Variants in ATIC observed in about 807,000 individuals in gnomAD.
The protein encoded by ATIC is 5-aminoimidazole-4-carboxamide ribonucleotide formyltransferase/IMP cyclohydrolase.
Under a neutral mutation model 72.5 loss-of-function variants are expected in ATIC, and 64 were observed. The observed-to-expected ratio is 0.88, with a 90% confidence interval of 0.72 to 1.09. The LOEUF (loss-of-function observed/expected upper bound fraction) is 1.09. ATIC is among the 50% of genes least tolerant of loss of function. The pLI is 0.00. For missense variants in ATIC, 787 were observed against 732.4 expected (o/e 1.07, Z -0.86); for synonymous variants, 281 against 267.1 (o/e 1.05, Z -0.51).
At chr2:215,351,616 TG>T (rs746528185), downstream of ATIC, among the ~76,000 whole-genome samples, 1 of 152,124 alleles carries the variant, frequency 6.6e-6, no homozygotes, top group Non-Finnish European at 1.5e-5. Context: ...TAGCTGGGCA[TG>T]GTGGCTCCTG....
the ATIC span, among the ~76,000 whole-genome samples, chr2:215,356,545 A>G: frequency 1.3e-5 from 2 of 152,326 alleles, no homozygotes; most frequent in East Asian, 3.9e-4. Flanking sequence ...TGCAACAATC[A>G]CCATTATCTA....
chr2:215,319,297 T>TGGAGAGCTGAGACA (rs1327659337), intron 3 of ATIC, among the ~76,000 whole-genome samples: 1 of 152,104 alleles, frequency 6.6e-6, no homozygotes, highest in East Asian at 1.9e-4. Context: ...TCCCAGCACT[T>TGGAGAGCTGAGACA]GGAGAGCTGA....
chr2:215,321,975 C>T (rs2052772180), intron 4 of ATIC, among the ~76,000 whole-genome samples: 1 of 152,266 alleles, frequency 6.6e-6, no homozygotes, highest in South Asian at 2.1e-4. Context: ...GTCATCTTGG[C>T]TCACTGCAAC....
At chr2:215,365,536 C>T in the ATIC span, 2 of 1,614,060 alleles carry the variant, frequency 1.2e-6, no homozygotes, top group South Asian at 1.1e-5. Context: ...CTTTTCCGTT[C>T]CCAAGACATG....
the ATIC span, among the ~76,000 whole-genome samples, chr2:215,357,079 C>T: frequency 6.6e-6 from 1 of 152,194 alleles, no homozygotes; most frequent in Admixed American, 6.5e-5. Context: ...GCTCCACCAT[C>T]GCCGTACATT....
intron 14 of ATIC, among the ~76,000 whole-genome samples, chr2:215,348,322 GT>G (rs967095776): frequency 5.3e-5 from 8 of 152,132 alleles, no homozygotes; most frequent in African/African-American, 1.9e-4. Context: ...GATATAGAGG[GT>G]TTTTTTGAAA....
At chr2:215,319,404 G>T (rs1188321716) in intron 3 of ATIC, among the ~76,000 whole-genome samples, 2 of 152,014 alleles carry the variant, frequency 1.3e-5, no homozygotes, top group Non-Finnish European at 2.9e-5. Context: ...CCAGCTGGGT[G>T]TGGTGATGCA....
At chr2:215,334,898 T>G (rs1377745885) in intron 9 of ATIC, 21 bp from the exon 10 acceptor site, 1 of 1,591,700 alleles carries the variant, frequency 6.3e-7, no homozygotes, top group Non-Finnish European at 8.6e-7. Context: ...GATAAATACC[T>G]CATTTTAATT....
the ATIC span, among the ~76,000 whole-genome samples, chr2:215,356,337 T>G: frequency 6.6e-6 from 1 of 152,234 alleles, no homozygotes; most frequent in African/African-American, 2.4e-5. Context: ...GGTTCCAAAT[T>G]GGTAGCCACA....
intron 5 of ATIC, 55 bp from the exon 6 acceptor site, chr2:215,325,932 G>T: frequency 6.3e-7 from 1 of 1,589,492 alleles, no homozygotes; most frequent in Middle Eastern, 1.7e-4. Flanking sequence ...ATTTAAAAGC[G>T]GTTCATAAGC....
chr2:215,350,310 T>A (rs2053120624), downstream of ATIC, among the ~76,000 whole-genome samples: 1 of 152,164 alleles, frequency 6.6e-6, no homozygotes, highest in Admixed American at 6.5e-5. Flanking sequence ...CTAATTTTTG[T>A]ATTTAGTAGA....
the ATIC span, among the ~76,000 whole-genome samples, chr2:215,360,030 C>G: frequency 4.6e-5 from 7 of 152,298 alleles, no homozygotes; most frequent in East Asian, 9.7e-4. Flanking sequence ...CCTCCGCCTT[C>G]TGGGTTCAAG....
At chr2:215,322,603 A>AT (rs2052780753) in intron 4 of ATIC, among the ~76,000 whole-genome samples, 1 of 152,082 alleles carries the variant, frequency 6.6e-6, no homozygotes, top group African/African-American at 2.4e-5. Context: ...AAGTGCTGGG[A>AT]TTACAAGTGT....
At chr2:215,325,477 TTTTC>T (rs1275475640) in intron 5 of ATIC, 148 bp downstream of exon 5, 2 of 577,374 alleles carry the variant, frequency 3.5e-6, no homozygotes, top group African/African-American at 3.8e-5. Context: ...TTCATTTATA[TTTTC>T]TTTTTTTCAT....
Position 215,349,519 on chromosome 2 carries a change from C to A in ATIC, c.1660-17C>A. 1 of 1,614,056 alleles carries A rather than the reference C, an allele frequency of 6.2e-7. No homozygotes were observed. The highest frequency in any genetic ancestry group is 1.1e-5 in the South Asian group (1 of 91,070). ...TTACATAAAATCGCGTTTTGAAAAT[C>A]AATATACTTCCCCCAGAGTGGTGTG... On this transcript the variant is annotated splice_polypyrimidine_tract_variant and intron_variant, in intron 15 of 15. Coordinates refer to ENST00000236959, the MANE Select transcript of ATIC (RefSeq NM_004044.7).
At chr2:215,325,211 A>G in intron 4 of ATIC, 30 bp from the exon 5 acceptor site, 10 of 1,575,064 alleles carry the variant, frequency 6.3e-6, no homozygotes, top group Non-Finnish European at 8.7e-6. Flanking sequence ...GGACTTTTTA[A>G]TGACAGCCAG....
At chr2:215,314,239 T>C (rs1253132601) in intron 2 of ATIC, among the ~76,000 whole-genome samples, 1 of 152,208 alleles carries the variant, frequency 6.6e-6, no homozygotes, top group African/African-American at 2.4e-5. Context: ...GAGTGATTTA[T>C]TTAGACCCCA....
intron 11 of ATIC, among the ~76,000 whole-genome samples, chr2:215,337,202 T>C (rs2052965567): frequency 6.6e-6 from 1 of 152,076 alleles, no homozygotes; most frequent in African/African-American, 2.4e-5. Context: ...TAAAAATTCC[T>C]AATGCTACTT....
intron 4 of ATIC, 31 bp downstream of exon 4, chr2:215,319,762 T>C (rs756403064): frequency 6.5e-7 from 1 of 1,541,000 alleles, no homozygotes; most frequent in South Asian, 1.1e-5. Flanking sequence ...TTTTAACACA[T>C]TACGAACCAA....
Sources: gnomAD v4.1 joint callset for allele counts (sites outside exome capture counted in the v4.1 genomes callset) on GRCh38, gnomAD v4.1.1 for gene constraint, MANE v1.5 for transcripts, NCBI Gene and HGNC (gene_info 2026-07-23, HGNC 2026-07-21) for gene names.